The following HDAC4 variants were observed in gnomAD, a reference collection of about 807,000 sequenced individuals.
HDAC4 encodes the protein histone deacetylase 4, also known as histone deacetylase A.
Under a neutral mutation model 135.1 loss-of-function variants are expected in HDAC4, and 16 were observed. The observed-to-expected ratio is 0.12, with a 90% CI of 0.08 to 0.18. The LOEUF is 0.18. Among genes scored for constraint, HDAC4 ranks in the 10% least tolerant of loss-of-function variants. The pLI is 1.00. For synonymous variants in HDAC4, 685 were observed against 653.4 expected, an observed-to-expected ratio of 1.05 and a Z score of -0.74; for missense variants, 1,143 against 1,511.8, an observed-to-expected ratio of 0.76 and a Z score of 4.05.
At chr2:239,391,797 C>G (rs1386623582) in intron 1 of HDAC4, among the ~76,000 whole-genome samples, 4 of 152,212 alleles carry the variant, frequency 2.6e-5, no homozygotes, top group Non-Finnish European at 5.9e-5. Flanking sequence ...CACCGAGGAA[C>G]CAGGAGAAGG....
chr2:239,069,889 T>G (rs1402043875), intron 22 of HDAC4, among the ~76,000 whole-genome samples: 1 of 152,200 alleles, frequency 6.6e-6, no homozygotes, highest in East Asian at 1.9e-4. Context: ...CTGTATAATT[T>G]CTGTAACCCC....
chr2:239,318,969 G>T (rs2125749470), intron 2 of HDAC4, among the ~76,000 whole-genome samples: 1 of 152,296 alleles, frequency 6.6e-6, no homozygotes, highest in East Asian at 1.9e-4. Context: ...AACAGCCCCA[G>T]TGGAACTGAG....
At chr2:239,244,690 C>T (rs568689659) in intron 2 of HDAC4, among the ~76,000 whole-genome samples, 1 of 152,286 alleles carries the variant, frequency 6.6e-6, no homozygotes, top group Non-Finnish European at 1.5e-5. Context: ...TTCCCCTGAC[C>T]TGAACCCCCA....
chr2:239,195,629 T>A (rs2045330576), intron 3 of HDAC4, among the ~76,000 whole-genome samples: 1 of 152,268 alleles, frequency 6.6e-6, no homozygotes, highest in Admixed American at 6.5e-5. Flanking sequence ...CTAGTGCTTT[T>A]GACCCAAAGC....
chr2:239,288,750 A>G (rs996783629), intron 2 of HDAC4, among the ~76,000 whole-genome samples: 1 of 152,350 alleles, frequency 6.6e-6, no homozygotes, highest in South Asian at 2.1e-4. Flanking sequence ...TGACACGTAC[A>G]AGACCTTTAT....
rs879095414 is a variant in HDAC4, at chr2:239,068,923, G to A, written c.2751-316C>T. 1.5e-3 allele frequency: 332 copies of A among 219,304 alleles called. No homozygotes were observed. The highest frequency in any genetic ancestry group is 2.7e-3 in the Middle Eastern group (2 of 734). The allele number at this position is 219,304 out of a possible 1,614,324, so 13.6% of individuals were successfully genotyped here. On this transcript the variant is annotated intron_variant, in intron 22 of 26. Transcript: ENST00000543185. This position sits in a 1 kb window ranked among gnomAD's most constrained non-coding sequence, Gnocchi z 4.4. ...CACTTGCTTGGTGAGAGGGAGTCAC[G>A]GTGCAAGCCAGCAAGCCCCACTGCA...
At position 239,050,728 on chromosome 2, in the gene HDAC4, G is replaced by A. The variant is rs1419833508; in HGVS notation, c.*2369C>T. ...CTGAGCACGGTGTGTCTGAACTTCTGCCCCCAAGTCTGAACCCAATATACA... is the reference window on the plus strand; with the variant it reads ...CTGAGCACGGTGTGTCTGAACTTCTACCCCCAAGTCTGAACCCAATATACA... On this transcript the variant is annotated 3_prime_UTR_variant, in exon 27 of 27. Transcript: ENST00000543185. 1 of 152,760 alleles carries A rather than the reference G, an allele frequency of 6.5e-6. No homozygotes were observed. The highest frequency in any genetic ancestry group is 1.9e-4 in the East Asian group (1 of 5,186). 9.5% of individuals were successfully genotyped at this position (152,760 alleles called of 1,614,324 possible).
At chr2:239,386,319 C>CAAA (rs1208089077) in intron 1 of HDAC4, among the ~76,000 whole-genome samples, 13 of 151,954 alleles carry the variant, frequency 8.6e-5, no homozygotes, top group African/African-American at 2.9e-4. Flanking sequence ...AGTTTCTGTA[C>CAAA]GAAAATGGGT....
chr2:239,189,518 T>C (rs967930761), intron 4 of HDAC4, among the ~76,000 whole-genome samples: 2 of 152,260 alleles, frequency 1.3e-5, no homozygotes, highest in East Asian at 3.8e-4. Context: ...CTGGTGCTTC[T>C]TCCCTTTGGT....
At chr2:239,294,559 CTCTT>C (rs1358587026) in intron 2 of HDAC4, among the ~76,000 whole-genome samples, 3 of 152,138 alleles carry the variant, frequency 2.0e-5, no homozygotes, top group Non-Finnish European at 4.4e-5. Flanking sequence ...GTGGGGCTCT[CTCTT>C]TCTGGGAAGG....
At chr2:239,150,875 C>T (rs577856036) in intron 7 of HDAC4, among the ~76,000 whole-genome samples, 121 of 134,610 alleles carry the variant, frequency 9.0e-4, no homozygotes, top group African/African-American at 3.1e-3. Flanking sequence ...GCTGCACCTC[C>T]GTATGTACCA....
At chr2:239,151,885 C>G (rs1010674696) in intron 7 of HDAC4, among the ~76,000 whole-genome samples, 2 of 152,178 alleles carry the variant, frequency 1.3e-5, no homozygotes, top group African/African-American at 2.4e-5. Context: ...CCCAGGGACA[C>G]ATGAGGATGC....
chr2:239,111,613 G>C lies in HDAC4; in HGVS notation c.1891C>G (p.Pro631Ala). ...GGTGAGGACTGCGCCCGGGACAGAG[G>C]CCTGTGGCCGCCGAAGGACACGGGG... ...GIPVSFGGHR[P>A]LSRAQSSPAS... The change falls in exon 14 of 27, where the codon CCT becomes GCT. Residue 631 changes from proline (P) to alanine (A), a missense_variant. This residue lies in a region of HDAC4 where 196 missense variants were observed against 210.7 expected (regional missense o/e 0.93). Coordinates refer to ENST00000543185, the MANE Select transcript of HDAC4 (RefSeq NM_001378414.1). The C allele has an allele frequency of 6.2e-7, 1 of 1,610,386 alleles. No homozygotes were observed.
intron 3 of HDAC4, among the ~76,000 whole-genome samples, chr2:239,207,814 A>G (rs963701110): frequency 6.6e-6 from 1 of 152,242 alleles, no homozygotes; most frequent in Admixed American, 6.5e-5. Context: ...ACTCTTCAAG[A>G]GAATGCAAAG....
intron 1 of HDAC4, among the ~76,000 whole-genome samples, chr2:239,378,063 C>A (rs748501780): frequency 3.3e-5 from 5 of 152,202 alleles, no homozygotes; most frequent in Non-Finnish European, 7.3e-5. Context: ...CCAGCAAACG[C>A]GGTGCCCCTC....
In HDAC4 at chr2:239,262,961, G is replaced by A. The variant is rs1015557109; in HGVS notation, c.23-26297C>T. Among the ~76,000 whole-genome samples, 19 of 151,896 alleles carry A rather than the reference G, an allele frequency of 1.3e-4. No individual in the cohort carries two copies. The highest frequency in any genetic ancestry group is 3.9e-4 in the African/African-American group (16 of 41,308). On this transcript the variant is annotated intron_variant, in intron 2 of 26. Coordinates refer to ENST00000543185, the MANE Select transcript of HDAC4 (RefSeq NM_001378414.1). This position sits in a 1 kb window ranked among gnomAD's most constrained non-coding sequence, Gnocchi z 4.1. ...TCTGTGCTTCACGAAAGATCTACGC[G>A]TGAAGCCCCCGGGAAGCCAAGCCCC...
chr2:239,350,323 A>G (rs1383525495), intron 2 of HDAC4, among the ~76,000 whole-genome samples: 1 of 152,174 alleles, frequency 6.6e-6, no homozygotes, highest in Non-Finnish European at 1.5e-5. Context: ...ATTAATGTAA[A>G]AAGAATATTA....
rs3752804 is a variant in HDAC4, at chr2:239,107,794, C to T, written c.2112+256G>A. On this transcript the variant is annotated intron_variant, in intron 15 of 26. Transcript: ENST00000543185. ...TGCTAGGTGGGAGGTGGGAGCGAAA[C>T]ATCAGGAAAGGTCACAGACAGAGGC... Among the ~76,000 whole-genome samples, 69,963 of 151,768 alleles carry T rather than the reference C, an allele frequency of 0.46. 17,571 individuals are homozygous for T. The highest frequency in any genetic ancestry group is 0.71 in the South Asian group (3,389 of 4,804).
chr2:239,139,283 G>A lies in HDAC4; in HGVS notation c.978+401C>T, dbSNP rs1376093978. On this transcript the variant is annotated intron_variant, in intron 9 of 26. Coordinates refer to ENST00000543185, the MANE Select transcript of HDAC4 (RefSeq NM_001378414.1). This position sits in a 1 kb window ranked among gnomAD's most constrained non-coding sequence, Gnocchi z 5.3. The stretch of plus-strand genomic sequence containing the variant: ...TCTCACTTAGCAACTATACCCACGT[G>A]CCCACGGCCTCTCAGCCACCCTCAG... 6.6e-6 allele frequency among the ~76,000 whole-genome samples: 1 copy of A among 152,180 alleles called. No individual in the cohort carries two copies. Among genetic ancestry groups the A allele is most frequent in the Non-Finnish European group, 1.5e-5 (1 of 68,044 alleles).
Sources: allele counts gnomAD v4.1 joint callset (sites outside exome capture counted in the v4.1 genomes callset), GRCh38; gene constraint gnomAD v4.1.1; regional missense constraint gnomAD v4.1.1; non-coding constraint Gnocchi (gnomAD v3.1); transcripts MANE v1.5; gene names NCBI Gene and HGNC (gene_info 2026-07-23, HGNC 2026-07-21).